Variants in ALPK1 observed in about 807,000 individuals in gnomAD.
The protein encoded by ALPK1 is alpha-protein kinase 1.
A neutral mutation model predicts 120.6 loss-of-function variants in ALPK1; 110 were observed. The ratio of observed to expected loss-of-function variants is 0.91; its 90% confidence interval spans 0.78 to 1.07. The LOEUF is 1.07. Ranked by LOEUF, ALPK1 falls within the 50% of genes least tolerant of loss-of-function variation. ALPK1 has a pLI of 0.00. For missense variants in ALPK1, 1,498 were observed against 1,483.9 expected (o/e 1.01, Z -0.16); for synonymous variants, 582 against 560.3 (o/e 1.04, Z -0.55).
chr4:112,308,583 T>C (rs989467907), intron 1 of ALPK1, among the ~76,000 whole-genome samples: 2 of 152,156 alleles, frequency 1.3e-5, no homozygotes, highest in African/African-American at 4.8e-5. Context: ...TCTTGTTCCA[T>C]GGTTTTCAGC....
At chr4:112,426,712 T>A (rs1267324418) in intron 8 of ALPK1, among the ~76,000 whole-genome samples, 169 bp downstream of exon 8, 1 of 152,228 alleles carries the variant, frequency 6.6e-6, no homozygotes, top group Non-Finnish European at 1.5e-5. Context: ...TGTGTCTTGC[T>A]TCATCCTCAC....
Position 112,378,732 on chromosome 4 carries a change from A to G in ALPK1, c.121+834A>G, listed in dbSNP as rs530656327. On this transcript the variant is annotated intron_variant, in intron 3 of 15. Transcript: ENST00000650871. ...GAAACAAGATTCCCAAATAAAATGCATACTCCTCATTTTTTGCTGTTGTTC... is the reference window on the plus strand; with the variant it reads ...GAAACAAGATTCCCAAATAAAATGCGTACTCCTCATTTTTTGCTGTTGTTC... 4.3e-4 allele frequency among the ~76,000 whole-genome samples: 66 copies of G among 152,330 alleles called. 1 individual carries two copies. The highest frequency in any genetic ancestry group is 1.6e-3 in the African/African-American group (65 of 41,570).
chr4:112,381,166 T>C (rs1731888442), intron 3 of ALPK1, among the ~76,000 whole-genome samples: 1 of 152,122 alleles, frequency 6.6e-6, no homozygotes, highest in African/African-American at 2.4e-5. Context: ...ATTCAGACAA[T>C]AATTCAGGCA....
intron 2 of ALPK1, chr4:112,356,292 C>T: frequency 1.9e-6 from 2 of 1,069,020 alleles, no homozygotes; most frequent in Non-Finnish European, 2.9e-6. Flanking sequence ...CTCCTGTGCA[C>T]CACCCTGGCC....
chr4:112,326,773 G>A (rs1056754665), intron 2 of ALPK1, among the ~76,000 whole-genome samples: 2 of 152,204 alleles, frequency 1.3e-5, no homozygotes, highest in South Asian at 4.1e-4. Flanking sequence ...CTATGTGTAC[G>A]TAAATCTAGG....
At position 112,354,726 on chromosome 4, in the gene ALPK1, C is replaced by T. The variant is rs192592728; in HGVS notation, c.-100-22952C>T. Among the ~76,000 whole-genome samples the T allele has an allele frequency of 2.2e-3, 338 of 152,274 alleles. 3 individuals carry two copies. The highest frequency in any genetic ancestry group is 7.8e-3 in the African/African-American group (325 of 41,556). ...CAAGTGATCCACCCACTTCCGCCTC[C>T]CAAAGTGCTGGGATTACAGGCATGA... is the stretch of plus-strand genomic sequence containing the variant. On this transcript the variant is annotated intron_variant, in intron 2 of 15. Transcript: ENST00000650871.
At chr4:112,394,858 GA>G (rs1222998276) in intron 4 of ALPK1, among the ~76,000 whole-genome samples, 4 of 152,170 alleles carry the variant, frequency 2.6e-5, no homozygotes, top group Admixed American at 1.3e-4. Flanking sequence ...AGCAGAAAAT[GA>G]ACAGGTTCAA....
chr4:112,374,828 T>C (rs1731580772), intron 2 of ALPK1, among the ~76,000 whole-genome samples: 1 of 152,112 alleles, frequency 6.6e-6, no homozygotes, highest in African/African-American at 2.4e-5. Flanking sequence ...TTCTGGGAGG[T>C]AGGTCTCAAC....
At chr4:112,403,633 A>G (rs1419162285) in intron 4 of ALPK1, among the ~76,000 whole-genome samples, 1 of 152,190 alleles carries the variant, frequency 6.6e-6, no homozygotes, top group Non-Finnish European at 1.5e-5. Flanking sequence ...AGAGACACAA[A>G]CAGATGCAAA....
At chr4:112,360,792 G>A (rs1730879845) in intron 2 of ALPK1, among the ~76,000 whole-genome samples, 1 of 152,030 alleles carries the variant, frequency 6.6e-6, no homozygotes, top group South Asian at 2.1e-4. Context: ...CTGTCTTCTT[G>A]TTTACATTTT....
At position 112,299,131 on chromosome 4, in the gene ALPK1, TTTGTTTCTTGTTA is replaced by T. The variant is rs376001886; in HGVS notation, c.-153+1666_-153+1678del. Reference sequence around the variant, plus strand: ...TGTTGCCTCTCTATATGGGGGAGTCTTTGTTTCTTGTTATTGATGGTGACAACTGTTTTTGCAG... The same window carrying T: ...TGTTGCCTCTCTATATGGGGGAGTCTTTGATGGTGACAACTGTTTTTGCAG... On this transcript the variant is annotated intron_variant, in intron 1 of 15. Coordinates refer to ENST00000650871, the MANE Select transcript of ALPK1 (RefSeq NM_025144.4). 3.0e-3 allele frequency among the ~76,000 whole-genome samples: 464 copies of T among 152,242 alleles called. 3 individuals are homozygous for T. Among genetic ancestry groups the T allele is most frequent in the African/African-American group, 0.011 (456 of 41,568 alleles).
In ALPK1 at chr4:112,432,196, G is replaced by A. The variant is rs759078554; in HGVS notation, c.2649G>A (p.Gln883=). The change falls in exon 11 of 16, where the codon CAG becomes CAA. Residue 883 remains glutamine, a synonymous_variant. Transcript: ENST00000650871. ...RLCILRQPPG[Q]RAETPNSSVS... is the part of the protein sequence containing the mutation. ...GCATTCTGAGACAGCCGCCTGGTCA[G>A]AGGGCGGAGACCCCCAATTCCTCTG... The A allele has an allele frequency of 3.7e-5, 60 of 1,614,102 alleles. No individual in the cohort carries two copies. The highest frequency in any genetic ancestry group is 5.1e-5 in the Non-Finnish European group (60 of 1,180,044).
chr4:112,395,005 A>G (rs1406117710), intron 4 of ALPK1, among the ~76,000 whole-genome samples: 2 of 152,210 alleles, frequency 1.3e-5, no homozygotes, highest in Non-Finnish European at 2.9e-5. Context: ...CTGAAATAAT[A>G]TTATCTCCAT....
intron 2 of ALPK1, chr4:112,357,893 C>T (rs1730716258): frequency 8.7e-7 from 1 of 1,152,864 alleles, no homozygotes; most frequent in South Asian, 1.2e-5. Flanking sequence ...TTTGTGGAGC[C>T]CAGGAGCAAA....
In ALPK1 at chr4:112,438,640, A is replaced by G; in HGVS notation, c.3345A>G (p.Ile1115Met). Residue 1115 changes from isoleucine to methionine, a missense_variant, in exon 13 of 16, where the codon ATA becomes ATG. By Grantham distance (10) the Ile-to-Met change is conservative. Coordinates refer to ENST00000650871, the MANE Select transcript of ALPK1 (RefSeq NM_025144.4). The part of the protein sequence containing the change: ...PTQIFYIPST[I>M]LLILEDKTIK... ...AGATATTCTACATCCCATCCACAAT[A>G]CTACTGGTAAGATTATCCTGAACAC... is the stretch of plus-strand genomic sequence containing the variant. 3.7e-6 allele frequency: 6 copies of G among 1,613,318 alleles called. No homozygotes were observed. The highest frequency in any genetic ancestry group is 5.1e-6 in the Non-Finnish European group (6 of 1,179,482).
intron 5 of ALPK1, among the ~76,000 whole-genome samples, chr4:112,422,253 T>C (rs2017758): frequency 0.23 from 35,099 of 152,150 alleles, 4,718 homozygotes; most frequent in East Asian, 0.63. Context: ...TGACTGCTGG[T>C]AACTGAAACT....
chr4:112,344,417 G>A (rs1730015485), intron 2 of ALPK1, among the ~76,000 whole-genome samples: 1 of 152,202 alleles, frequency 6.6e-6, no homozygotes, highest in South Asian at 2.1e-4. Context: ...TCTCTTTCTA[G>A]TATAGTTAAA....
intron 9 of ALPK1, 24 bp downstream of exon 9, chr4:112,427,689 C>A: frequency 6.5e-7 from 1 of 1,528,084 alleles, no homozygotes; most frequent in Non-Finnish European, 9.1e-7. Flanking sequence ...CACTGAGTGG[C>A]ATCACCTGTA....
At chr4:112,359,335 T>C (rs574107123) in intron 2 of ALPK1, 22 of 402,600 alleles carry the variant, frequency 5.5e-5, no homozygotes, top group Non-Finnish European at 8.0e-5. Context: ...TTGGCAGTGC[T>C]GACAGCCTAC....
Sources: allele counts gnomAD v4.1 joint callset (sites outside exome capture counted in the v4.1 genomes callset), GRCh38; gene constraint gnomAD v4.1.1; transcripts MANE v1.5; gene names NCBI Gene and HGNC (gene_info 2026-07-23, HGNC 2026-07-21).